Variants in NEK11 observed in about 807,000 individuals in gnomAD.
NEK11 encodes serine/threonine-protein kinase Nek11.
Under a neutral mutation model 80.7 loss-of-function variants are expected in NEK11, and 72 were observed. The observed-to-expected ratio is 0.89, with a 90% CI of 0.74 to 1.08. NEK11 has a LOEUF of 1.08. Ranked by LOEUF, NEK11 falls within the 50% of genes least tolerant of loss-of-function variation. The pLI is 0.00. For synonymous variants in NEK11, 251 were observed against 260.7 expected, an observed-to-expected ratio of 0.96 and a Z score of 0.36; for missense variants, 764 against 763.6, an observed-to-expected ratio of 1.00 and a Z score of -0.01.
At chr3:131,228,977 C>T (rs985274964) in intron 15 of NEK11, among the ~76,000 whole-genome samples, 3 of 151,978 alleles carry the variant, frequency 2.0e-5, no homozygotes, top group Admixed American at 6.6e-5. Context: ...AGGAGGGCTT[C>T]GTATACAGCT....
intron 17 of NEK11, among the ~76,000 whole-genome samples, chr3:131,296,280 A>G (rs1003626931): frequency 6.6e-6 from 1 of 152,192 alleles, no homozygotes; most frequent in African/African-American, 2.4e-5. Context: ...ATAAGAAAAT[A>G]TATGTACACA....
chr3:131,031,856 A>G (rs2064903858), intron 3 of NEK11, among the ~76,000 whole-genome samples: 1 of 152,234 alleles, frequency 6.6e-6, no homozygotes, highest in South Asian at 2.1e-4. Context: ...TCTCTGGGAA[A>G]GGAATCATTC....
In NEK11 at chr3:131,069,490, T is replaced by G. The variant is rs181349172; in HGVS notation, c.171-10933T>G. ...TCCCATTACTGGGTATATACCCAAA[T>G]GACTATAAATCATGCTGCTATAAAG... On this transcript the variant is annotated intron_variant, in intron 3 of 17. Coordinates refer to ENST00000383366, the MANE Select transcript of NEK11 (RefSeq NM_024800.5). 9.3e-3 allele frequency among the ~76,000 whole-genome samples: 1,414 copies of G among 152,192 alleles called. 19 individuals carry two copies. Among genetic ancestry groups the G allele is most frequent in the African/African-American group, 0.031 (1,297 of 41,488 alleles).
At chr3:131,217,093 AAC>A (rs1469365027) in intron 14 of NEK11, among the ~76,000 whole-genome samples, 13 of 152,218 alleles carry the variant, frequency 8.5e-5, no homozygotes, top group African/African-American at 2.9e-4. Context: ...GGACACCGTG[AAC>A]ACAGTGTTCG....
chr3:131,213,144 T>C (rs1478223095), intron 14 of NEK11, among the ~76,000 whole-genome samples: 1 of 151,972 alleles, frequency 6.6e-6, no homozygotes, highest in Non-Finnish European at 1.5e-5. Context: ...GCCCCCATAA[T>C]TGCGTGAATG....
At chr3:131,207,788 C>A (rs1383633441) in intron 14 of NEK11, among the ~76,000 whole-genome samples, 1 of 152,096 alleles carries the variant, frequency 6.6e-6, no homozygotes, top group Admixed American at 6.6e-5. Flanking sequence ...CTGTTCATAT[C>A]CTTTGCCCAC....
intron 15 of NEK11, among the ~76,000 whole-genome samples, chr3:131,231,781 T>C (rs575272415): frequency 1.6e-4 from 25 of 152,088 alleles, no homozygotes; most frequent in African/African-American, 5.8e-4. Flanking sequence ...ATCTCTCAGA[T>C]TGGCCTCTTC....
At chr3:131,214,223 G>T (rs1185201276) in intron 14 of NEK11, among the ~76,000 whole-genome samples, 1 of 152,202 alleles carries the variant, frequency 6.6e-6, no homozygotes, top group Non-Finnish European at 1.5e-5. Flanking sequence ...TCGTAAATTT[G>T]TAAGTCTTAA....
At chr3:131,137,072 G>C (rs1200186318) in intron 7 of NEK11, among the ~76,000 whole-genome samples, 1 of 152,150 alleles carries the variant, frequency 6.6e-6, no homozygotes, top group Non-Finnish European at 1.5e-5. Flanking sequence ...AGGGAACAGT[G>C]GTGGGAATAG....
At chr3:131,104,449 C>T (rs577136374) in intron 4 of NEK11, among the ~76,000 whole-genome samples, 37 of 152,258 alleles carry the variant, frequency 2.4e-4, no homozygotes, top group African/African-American at 7.7e-4. Context: ...AGATTCTTTA[C>T]TCTCTCCCCA....
At chr3:131,315,652 A>G (rs564316021) in intron 17 of NEK11, among the ~76,000 whole-genome samples, 6 of 151,680 alleles carry the variant, frequency 4.0e-5, no homozygotes, top group African/African-American at 1.5e-4. Flanking sequence ...AGATCATCCC[A>G]TCATCCAGGT....
intron 17 of NEK11, among the ~76,000 whole-genome samples, chr3:131,333,564 G>A (rs1372962192): frequency 6.6e-6 from 1 of 152,110 alleles, no homozygotes; most frequent in African/African-American, 2.4e-5. Context: ...ATCAACTAAC[G>A]AGCAAAATCA....
At chr3:131,276,749 C>T (rs79730898) in intron 17 of NEK11, among the ~76,000 whole-genome samples, 2,779 of 152,058 alleles carry the variant, frequency 0.018, 40 homozygotes, top group East Asian at 0.083. Flanking sequence ...TTAATATAAC[C>T]ATAGTATGAT....
intron 5 of NEK11, among the ~76,000 whole-genome samples, chr3:131,115,921 TCTTTCTTTCTTTC>T (rs2080995164): frequency 1.0e-5 from 1 of 97,754 alleles, no homozygotes; most frequent in African/African-American, 4.1e-5. Context: ...TTTCTTTCTT[TCTTTCTTTCTTTC>T]TTTCTTTCTT....
chr3:131,338,342 T>A (rs1459121220), intron 17 of NEK11, among the ~76,000 whole-genome samples: 1 of 149,334 alleles, frequency 6.7e-6, no homozygotes, highest in Non-Finnish European at 1.5e-5. Context: ...CATACACTGC[T>A]GGTGGGAATG....
intron 11 of NEK11, among the ~76,000 whole-genome samples, chr3:131,163,941 G>T (rs1026566337): frequency 2.6e-5 from 4 of 152,102 alleles, no homozygotes; most frequent in Admixed American, 6.6e-5. Flanking sequence ...TTCTTCCTCT[G>T]CCAATATTTT....
At chr3:131,329,838 G>C (rs971474813) in intron 17 of NEK11, 1 of 152,648 alleles carries the variant, frequency 6.6e-6, no homozygotes, top group Non-Finnish European at 1.5e-5. Flanking sequence ...CCGGAATGGA[G>C]GGAGTGAGGG....
At chr3:131,288,067 T>C (rs1308625870) in intron 17 of NEK11, among the ~76,000 whole-genome samples, 1 of 152,200 alleles carries the variant, frequency 6.6e-6, no homozygotes, top group African/African-American at 2.4e-5. Context: ...CTTCTAAATC[T>C]TACTACTGAA....
At chr3:131,326,962 C>A (rs1012466222) in intron 17 of NEK11, among the ~76,000 whole-genome samples, 4 of 152,032 alleles carry the variant, frequency 2.6e-5, no homozygotes. Context: ...CCCTTTTGCC[C>A]GTCTAAGCTT....
Sources: gnomAD v4.1 joint callset for allele counts (sites outside exome capture counted in the v4.1 genomes callset) on GRCh38, gnomAD v4.1.1 for gene constraint, MANE v1.5 for transcripts, NCBI Gene and HGNC (gene_info 2026-07-23, HGNC 2026-07-21) for gene names.